The following PLCH2 variants were observed in gnomAD, a reference collection of about 807,000 sequenced individuals.
The protein encoded by PLCH2 is phospholipase C eta 2, also known as 1-phosphatidylinositol 4,5-bisphosphate phosphodiesterase eta-2.
In PLCH2, 98 loss-of-function variants were observed where a neutral mutation model predicts 134.7. The observed-to-expected ratio is 0.73, with a 90% CI of 0.62 to 0.86. PLCH2 has a LOEUF of 0.86. PLCH2 is among the 40% of genes least tolerant of loss of function. PLCH2 has a pLI of 0.00. For missense variants in PLCH2, 1,994 were observed against 1,986.6 expected (o/e 1.00, Z -0.07); for synonymous variants, 974 against 827.5 (o/e 1.18, Z -3.04).
chr1:2,427,765 C>T (rs769524060), intron 1 of PLCH2, among the ~76,000 whole-genome samples: 37 of 152,206 alleles, frequency 2.4e-4, no homozygotes, highest in African/African-American at 6.7e-4. Flanking sequence ...CAGAAGCAGC[C>T]GGCGAGCCCT....
At position 2,504,936 on chromosome 1, in the gene PLCH2, G is replaced by A; in HGVS notation, c.3974G>A (p.Gly1325Glu). 6.4e-7 allele frequency: 1 copy of A among 1,567,992 alleles called. No homozygotes were observed. Among genetic ancestry groups the A allele is most frequent in the Non-Finnish European group, 8.6e-7 (1 of 1,157,012 alleles). The change falls in exon 22 of 22, where the codon GGG (glycine) becomes GAG (glutamate). Residue 1325 changes from glycine (G) to glutamate (E), a missense_variant. Physicochemically the swap from Gly to Glu is moderately conservative, Grantham distance 98 (BLOSUM62 -2). Transcript: ENST00000378486. ...ITSPTSLGPA[G>E]EGVAGGPGFV... ...TCACCCACCAGCCTGGGCCCGGCTG[G>A]GGAGGGGGTGGCAGGGGGCCCTGGT...
At chr1:2,499,495 C>A (rs935678120) in intron 19 of PLCH2, 146 bp from the exon 20 acceptor site, 11 of 719,516 alleles carry the variant, frequency 1.5e-5, no homozygotes, top group Non-Finnish European at 1.9e-5. Flanking sequence ...TGGGGTAGTG[C>A]TGGGCCCACA....
At chr1:2,492,806 G>A (rs763137405) in intron 11 of PLCH2, among the ~76,000 whole-genome samples, 3 of 152,210 alleles carry the variant, frequency 2.0e-5, no homozygotes, top group South Asian at 2.1e-4. Context: ...TGGGGTAGCC[G>A]GTGTCCCCTC....
At chr1:2,491,523 G>A (rs531711987) in intron 11 of PLCH2, among the ~76,000 whole-genome samples, 188 bp downstream of exon 11, 20 of 152,336 alleles carry the variant, frequency 1.3e-4, no homozygotes, top group African/African-American at 4.6e-4. Flanking sequence ...ACCTACCAGC[G>A]GGGTCTCAAA....
In PLCH2 at chr1:2,504,173, GC is replaced by G. The variant is rs1459202941; in HGVS notation, c.3216del (p.Gly1073AlafsTer18). 6 of 1,531,976 alleles carry G rather than the reference GC, an allele frequency of 3.9e-6. No individual in the cohort carries two copies. The Admixed American group carries it at 6.7e-5, about 17-fold the overall frequency. The allele number at this position is 1,531,976 out of a possible 1,614,324, so 94.9% of individuals were successfully genotyped here. A position where few individuals can be genotyped will look rare whatever the true frequency, so the allele number is the denominator to read the frequency against. ...GEGAGGAYERAPGSQTDGRSQ... is the reference protein window; with the variant it reads ...GEGAGGAYERXPGSQTDGRSQ... Reference sequence around the variant, plus strand: ...GGGCGCCGGCGGGGCATACGAGAGGGCCCCCGGCAGCCAGACGGACGGCAGG... The same window carrying G: ...GGGCGCCGGCGGGGCATACGAGAGGGCCCCGGCAGCCAGACGGACGGCAGG... On this transcript the variant is annotated frameshift_variant, in exon 22 of 22. Coordinates refer to ENST00000378486, the MANE Select transcript of PLCH2 (RefSeq NM_014638.4). LOFTEE classifies it high-confidence loss of function.
rs564890836 is a variant in PLCH2 at position 2,490,590 on chromosome 1, C to G, written c.1516-602C>G. ...TGGGGAGATAATTGTGCAGCGTGCT[C>G]CTGGCCACGCGGCCAACCATTTTAG... is the stretch of plus-strand genomic sequence containing the variant. On this transcript the variant is annotated intron_variant, in intron 10 of 21. Transcript: ENST00000378486. 3.3e-5 allele frequency among the ~76,000 whole-genome samples: 5 copies of G among 152,296 alleles called. No individual in the cohort carries two copies. The South Asian group carries it at 1.0e-3, about 32-fold the overall frequency.
At chr1:2,503,170 C>T in intron 21 of PLCH2, 1 of 626,566 alleles carries the variant, frequency 1.6e-6, no homozygotes. Context: ...GAACCAGCTG[C>T]TCTTGCTGAG....
intron 2 of PLCH2, among the ~76,000 whole-genome samples, chr1:2,436,035 C>CTTCCCTCCTCCCT (rs1639326305): frequency 2.2e-5 from 2 of 89,476 alleles, no homozygotes. Flanking sequence ...CCCTCCTCCC[C>CTTCCCTCCTCCCT]TCCTCCCTTC....
intron 2 of PLCH2, among the ~76,000 whole-genome samples, chr1:2,447,626 G>C (rs144017127): frequency 0.014 from 2,161 of 152,308 alleles, 23 homozygotes; most frequent in Non-Finnish European, 0.02. Context: ...GGCAGGAAAG[G>C]CTTGGGGGTG....
intron 2 of PLCH2, among the ~76,000 whole-genome samples, chr1:2,458,819 C>T (rs182739461): frequency 2.6e-5 from 4 of 152,332 alleles, no homozygotes; most frequent in Admixed American, 2.0e-4. Context: ...CCTGTACTCC[C>T]GAGTCTCACT....
intron 10 of PLCH2, among the ~76,000 whole-genome samples, chr1:2,490,773 C>T (rs1328098487): frequency 2.0e-5 from 3 of 152,250 alleles, no homozygotes; most frequent in African/African-American, 4.8e-5. Context: ...CAGACCCTGT[C>T]CTCAAGGATT....
chr1:2,447,902 C>A (rs1332658625), intron 2 of PLCH2, among the ~76,000 whole-genome samples: 3 of 152,206 alleles, frequency 2.0e-5, no homozygotes, highest in Non-Finnish European at 4.4e-5. Context: ...TTCCGTCCCT[C>A]CCTGGCTGCG....
intron 1 of PLCH2, 130 bp from the exon 2 acceptor site, chr1:2,478,346 G>A: frequency 1.7e-6 from 2 of 1,142,870 alleles, no homozygotes; most frequent in Non-Finnish European, 2.5e-6. Context: ...GGCGAGGTGA[G>A]GAGTGGCCGT....
At chr1:2,421,124 T>C (rs1638496374), upstream of PLCH2, among the ~76,000 whole-genome samples, 1 of 152,178 alleles carries the variant, frequency 6.6e-6, no homozygotes, top group African/African-American at 2.4e-5. Context: ...TTTGTATTTT[T>C]AGTAGAGACG....
chr1:2,473,724 G>A (rs1247570112), upstream of PLCH2, among the ~76,000 whole-genome samples: 2 of 152,224 alleles, frequency 1.3e-5, no homozygotes, highest in Non-Finnish European at 2.9e-5. Flanking sequence ...GATGTCCCGG[G>A]GTCAGGCAGT....
At position 2,497,478 on chromosome 1, in the gene PLCH2, G is replaced by A. The variant is rs374151195; in HGVS notation, c.2117-24G>A. 3 of 1,519,022 alleles carry A rather than the reference G, an allele frequency of 2.0e-6. No homozygotes were observed. The African/African-American group carries it at 4.1e-5, about 21-fold the overall frequency. 94.1% of individuals were successfully genotyped at this position (1,519,022 alleles called of 1,614,324 possible). On this transcript the variant is annotated intron_variant, in intron 15 of 21. Coordinates refer to ENST00000378486, the MANE Select transcript of PLCH2 (RefSeq NM_014638.4). ...ACCTGGAAGGTCAGGTGCTGACCAG[G>A]GCAGCCTTGTGTCACCCTCGCAGTT...
At chr1:2,437,673 G>A (rs1323512145) in intron 2 of PLCH2, among the ~76,000 whole-genome samples, 1 of 152,212 alleles carries the variant, frequency 6.6e-6, no homozygotes, top group Non-Finnish European at 1.5e-5. Flanking sequence ...CTAGGGACAG[G>A]CAATACACAC....
At chr1:2,487,447 C>T (rs1270217550) in intron 7 of PLCH2, 71 bp downstream of exon 7, 4 of 1,491,456 alleles carry the variant, frequency 2.7e-6, no homozygotes, top group African/African-American at 1.4e-5. Context: ...ACCTGAGGAG[C>T]CCCCGGGGGG....
intron 2 of PLCH2, among the ~76,000 whole-genome samples, chr1:2,435,436 G>A (rs1639283754): frequency 6.6e-6 from 1 of 151,152 alleles, no homozygotes; most frequent in South Asian, 2.1e-4. Flanking sequence ...CACCAGCAAA[G>A]CTGTTTTAGG....
Sources: allele counts gnomAD v4.1 joint callset (sites outside exome capture counted in the v4.1 genomes callset), GRCh38; gene constraint gnomAD v4.1.1; transcripts MANE v1.5; gene names NCBI Gene and HGNC (gene_info 2026-07-23, HGNC 2026-07-21).